SENP1: variants seen among roughly 807,000 people sequenced by gnomAD.
SENP1 encodes sentrin-specific protease 1.
SENP1 carries 21 observed loss-of-function variants against 93.0 expected under a neutral mutation model. That is an observed-to-expected ratio of 0.23 (90% CI 0.16 to 0.33). SENP1 has a LOEUF of 0.33. SENP1 is among the 10% of genes least tolerant of loss of function. The probability of loss-of-function intolerance (pLI) is 1.00; values close to 1 mark genes in which losing one functional copy is unlikely to be tolerated. For missense variants in SENP1, 591 were observed against 758.7 expected, an observed-to-expected ratio of 0.78 and a Z score of 2.60; for synonymous variants, 256 against 259.6, an observed-to-expected ratio of 0.99 and a Z score of 0.13.
intron 5 of SENP1, chr12:48,085,384 G>A: frequency 1.5e-6 from 2 of 1,309,406 alleles, no homozygotes; most frequent in South Asian, 1.2e-5. Flanking sequence ...ACCCTGCGGA[G>A]GGCCAGGGGC....
chr12:48,048,141 TTCCC>T, intron 14 of SENP1, 61 bp from the exon 15 acceptor site: 12 of 1,090,348 alleles, frequency 1.1e-5, no homozygotes, highest in Non-Finnish European at 1.5e-5. Flanking sequence ...TTATCAGTTT[TTCCC>T]TTCCCTGCCC....
At chr12:48,087,038 C>G (rs2137178225) in intron 5 of SENP1, among the ~76,000 whole-genome samples, 1 of 151,392 alleles carries the variant, frequency 6.6e-6, no homozygotes, top group South Asian at 2.1e-4. Context: ...GGCTCCGTCT[C>G]AACAAAACAA....
intron 6 of SENP1, among the ~76,000 whole-genome samples, chr12:48,076,112 G>C (rs918641789): frequency 6.6e-6 from 1 of 152,142 alleles, no homozygotes; most frequent in African/African-American, 2.4e-5. Flanking sequence ...CTGACTCAAT[G>C]GGCTATGTTC....
At chr12:48,059,314 ATATTCAAGTTTCTATTGC>A (rs973412519) in intron 13 of SENP1, among the ~76,000 whole-genome samples, 2 of 152,048 alleles carry the variant, frequency 1.3e-5, no homozygotes, top group African/African-American at 4.8e-5. Context: ...TGTGTGTCTC[ATATTCAAGTTTCTATTGC>A]TATTCAAGTT....
At chr12:48,062,784 T>C (rs573387309) in intron 13 of SENP1, among the ~76,000 whole-genome samples, 24 of 152,338 alleles carry the variant, frequency 1.6e-4, no homozygotes, top group African/African-American at 4.8e-4. Flanking sequence ...AAAGATATGA[T>C]GACTATTACA....
At chr12:48,089,392 G>A in intron 4 of SENP1, 1 of 1,180,512 alleles carries the variant, frequency 8.5e-7, no homozygotes, top group Non-Finnish European at 1.1e-6. Context: ...AGCAGCTAGT[G>A]TCACTTTCTT....
At chr12:48,080,888 T>C (rs1944448805) in intron 6 of SENP1, among the ~76,000 whole-genome samples, 1 of 152,152 alleles carries the variant, frequency 6.6e-6, no homozygotes, top group South Asian at 2.1e-4. Flanking sequence ...AGCATCTTCT[T>C]TGCACTACAG....
At chr12:48,087,038 CAACAAAACAAAAA>C (rs1169065139) in intron 5 of SENP1, among the ~76,000 whole-genome samples, 1 of 151,276 alleles carries the variant, frequency 6.6e-6, no homozygotes, top group African/African-American at 2.4e-5. Flanking sequence ...GGCTCCGTCT[CAACAAAACAAAAA>C]AACAAAACAA....
At chr12:48,091,618 G>A (rs1945231352) in intron 4 of SENP1, among the ~76,000 whole-genome samples, 1 of 152,062 alleles carries the variant, frequency 6.6e-6, no homozygotes, top group South Asian at 2.1e-4. Flanking sequence ...AGAAGACATT[G>A]ATAATGATTC....
chr12:48,086,011 T>C (rs901707391), intron 5 of SENP1, among the ~76,000 whole-genome samples: 1 of 152,106 alleles, frequency 6.6e-6, no homozygotes, highest in East Asian at 1.9e-4. Context: ...AATTCATGAG[T>C]TAAGGTCAAA....
rs891993103 is a variant in SENP1 at position 48,043,655 on chromosome 12, AAG to A, written c.*1665_*1666del. On this transcript the variant is annotated 3_prime_UTR_variant, in exon 18 of 18. Transcript: ENST00000549518. The stretch of plus-strand genomic sequence containing the variant: ...AGAGATAGAAAGAGAAAGGGAAAGA[AAG>A]AGAGAGAAAAAACAAACACACAAAA... The A allele has an allele frequency of 8.5e-5, 13 of 152,744 alleles. No homozygotes were observed. Among genetic ancestry groups the A allele is most frequent in the Non-Finnish European group, 1.6e-4 (11 of 68,026 alleles). 9.5% of individuals were successfully genotyped at this position (152,744 alleles called of 1,614,324 possible).
intron 4 of SENP1, among the ~76,000 whole-genome samples, chr12:48,095,441 C>T (rs1945492805): frequency 1.4e-5 from 2 of 147,784 alleles, no homozygotes; most frequent in African/African-American, 5.0e-5. Flanking sequence ...GAGGTTAAGG[C>T]AGGAGAATTG....
At chr12:48,078,939 AG>A (rs1450417613) in intron 6 of SENP1, among the ~76,000 whole-genome samples, 1 of 152,200 alleles carries the variant, frequency 6.6e-6, no homozygotes, top group Non-Finnish European at 1.5e-5. Flanking sequence ...ACTTGAGCCT[AG>A]GAGTTTGAGA....
chr12:48,086,814 G>A (rs1944897972), intron 5 of SENP1, among the ~76,000 whole-genome samples: 1 of 152,194 alleles, frequency 6.6e-6, no homozygotes, highest in Non-Finnish European at 1.5e-5. Flanking sequence ...GCCAAGGAAG[G>A]CAGATCACAA....
intron 6 of SENP1, among the ~76,000 whole-genome samples, chr12:48,080,961 T>C (rs1944453506): frequency 6.6e-6 from 1 of 152,156 alleles, no homozygotes; most frequent in African/African-American, 2.4e-5. Flanking sequence ...GAGGGCTGTT[T>C]GGAAGGGTAA....
In SENP1 at chr12:48,048,023, T is replaced by G. The variant is rs767662639; in HGVS notation, c.1669A>C (p.Asn557His). ...TACAAGAGTATTCTGCAGGCTTCAT[T>G]GTTTATCCCACCCATGGAGTCGTAA... ...TYYDSMGGIN[N>H]EACRILLQYL... Residue 557 changes from asparagine to histidine, a missense_variant, in exon 15 of 18, where the codon AAT becomes CAT. Asn to His is a moderately conservative substitution (Grantham distance 68). Transcript: ENST00000549518. 6.2e-7 allele frequency: 1 copy of G among 1,606,986 alleles called. No individual in the cohort carries two copies. The highest frequency in any genetic ancestry group is 8.5e-7 in the Non-Finnish European group (1 of 1,173,694).
intron 1 of SENP1, chr12:48,105,356 G>A (rs2137430809): frequency 1.9e-6 from 1 of 518,632 alleles, no homozygotes; most frequent in South Asian, 1.4e-5. Flanking sequence ...TAGATCCAGA[G>A]ATCACGTTAG....
intron 5 of SENP1, chr12:48,085,152 A>T (rs1027509675): frequency 5.6e-6 from 8 of 1,427,714 alleles, no homozygotes; most frequent in Non-Finnish European, 7.9e-6. Context: ...GCTTAACAAG[A>T]ACTGCCACCC....
intron 9 of SENP1, among the ~76,000 whole-genome samples, chr12:48,068,389 T>C (rs1943440474): frequency 6.6e-6 from 1 of 152,240 alleles, no homozygotes; most frequent in Non-Finnish European, 1.5e-5. Context: ...CTGCTCTAGA[T>C]GTTTTATGTA....
Sources: allele counts gnomAD v4.1 joint callset (sites outside exome capture counted in the v4.1 genomes callset), GRCh38; gene constraint gnomAD v4.1.1; transcripts MANE v1.5; gene names NCBI Gene and HGNC (gene_info 2026-07-23, HGNC 2026-07-21).